ZFHX3: variants seen among roughly 807,000 people sequenced by gnomAD.
ZFHX3 encodes zinc finger homeobox protein 3.
In ZFHX3, 42 loss-of-function variants were observed where a neutral mutation model predicts 279.1. That is an observed-to-expected ratio of 0.15 (90% CI 0.12 to 0.19). ZFHX3 has a LOEUF of 0.19. ZFHX3 is among the 10% of genes least tolerant of loss of function. ZFHX3 has a pLI of 1.00. For missense variants in ZFHX3, 4,981 were observed against 4,754.0 expected (o/e 1.05, Z -1.40); for synonymous variants, 2,293 against 1,957.8 (o/e 1.17, Z -4.52).
At chr16:73,834,619 G>A (rs768978952) in intron 1 of ZFHX3, among the ~76,000 whole-genome samples, 9 of 152,176 alleles carry the variant, frequency 5.9e-5, no homozygotes, top group African/African-American at 9.7e-5. Context: ...TCAGCTGGGC[G>A]TGGTGGCTCA....
intron 4 of ZFHX3, among the ~76,000 whole-genome samples, chr16:73,259,138 G>T (rs919713334): frequency 6.6e-6 from 1 of 152,182 alleles, no homozygotes; most frequent in Non-Finnish European, 1.5e-5. Flanking sequence ...GTCACAGCGC[G>T]GGGAACATGA....
chr16:73,411,276 G>C (rs1206354454), intron 3 of ZFHX3, among the ~76,000 whole-genome samples: 1 of 152,234 alleles, frequency 6.6e-6, no homozygotes, highest in Non-Finnish European at 1.5e-5. Flanking sequence ...GGGATTTAAA[G>C]AGATTAGCAA....
At chr16:73,694,166 T>C (rs2053174246) in intron 1 of ZFHX3, among the ~76,000 whole-genome samples, 1 of 151,360 alleles carries the variant, frequency 6.6e-6, no homozygotes, top group South Asian at 2.1e-4. Flanking sequence ...CTACCAAAAA[T>C]ATAAAAATTA....
chr16:73,476,747 A>G (rs1385178925), intron 2 of ZFHX3, among the ~76,000 whole-genome samples: 1 of 152,232 alleles, frequency 6.6e-6, no homozygotes, highest in Non-Finnish European at 1.5e-5. Context: ...TGTTATCACC[A>G]CAAAATTTAG....
chr16:72,957,728 G>A lies in ZFHX3; in HGVS notation c.2418C>T (p.Cys806=), dbSNP rs764346669. The change falls in exon 2 of 10, where the codon TGC becomes TGT. Residue 806 remains cysteine, a synonymous_variant. Coordinates refer to ENST00000268489, the MANE Select transcript of ZFHX3 (RefSeq NM_006885.4). ...CGTTGGTCTCATAATCACACACCTCGCACCGCCAGGTGGGTTTGGTTTTTG... is the reference window on the plus strand; with the variant it reads ...CGTTGGTCTCATAATCACACACCTCACACCGCCAGGTGGGTTTGGTTTTTG... ...TKPKTKPTWR[C]EVCDYETNVA... is the part of the protein sequence containing the mutation. The A allele has an allele frequency of 3.9e-5, 63 of 1,614,022 alleles. No individual in the cohort carries two copies. Among genetic ancestry groups the A allele is most frequent in the Non-Finnish European group, 4.9e-5 (58 of 1,180,042 alleles).
chr16:73,013,167 C>T (rs1321549904), intron 1 of ZFHX3, among the ~76,000 whole-genome samples: 1 of 152,222 alleles, frequency 6.6e-6, no homozygotes, highest in African/African-American at 2.4e-5. Context: ...CACAGACTGC[C>T]CATCTGTGCC....
chr16:73,778,761 G>A (rs139908926), intron 1 of ZFHX3, among the ~76,000 whole-genome samples: 2 of 152,066 alleles, frequency 1.3e-5, no homozygotes, highest in African/African-American at 2.4e-5. Flanking sequence ...ATGGTAAGAC[G>A]GCAATGCAGG....
intron 2 of ZFHX3, among the ~76,000 whole-genome samples, chr16:73,559,590 CT>C (rs1458797411): frequency 2.0e-5 from 3 of 152,300 alleles, no homozygotes; most frequent in African/African-American, 7.2e-5. Flanking sequence ...GGTCCGGTTG[CT>C]GCATCTGATA....
In ZFHX3 at chr16:72,787,876, C is replaced by G; in HGVS notation, c.10400G>C (p.Cys3467Ser). The G allele has an allele frequency of 6.2e-7, 1 of 1,614,010 alleles. No homozygotes were observed. The highest frequency in any genetic ancestry group is 8.5e-7 in the Non-Finnish European group (1 of 1,180,030). ...GCTGAAGCCCGCCTGGCACTTGCGG[C>G]AGACCAACTTGTACTGCACCTTTGG... ...IVPKVQYKLV[C>S]RKCQAGFSDE... The change falls in exon 10 of 10, where the codon TGC (cysteine) becomes TCC (serine). Residue 3467 changes from cysteine to serine, a missense_variant. Around this residue, in one of 7 missense-constraint regions of ZFHX3, gnomAD observed 1,034 missense variants for 786.0 expected, o/e 1.32. Transcript: ENST00000268489.
intron 3 of ZFHX3, among the ~76,000 whole-genome samples, chr16:72,922,678 C>T (rs1005536269): frequency 6.6e-6 from 1 of 152,178 alleles, no homozygotes; most frequent in Non-Finnish European, 1.5e-5. Context: ...ACCTGGCTTT[C>T]TTCCTTTGAA....
At chr16:72,893,090 G>A (rs2038813617) in intron 3 of ZFHX3, among the ~76,000 whole-genome samples, 1 of 152,110 alleles carries the variant, frequency 6.6e-6, no homozygotes, top group Admixed American at 6.6e-5. Context: ...AACCTGTAAG[G>A]GAGCCAAGAA....
intron 3 of ZFHX3, among the ~76,000 whole-genome samples, chr16:73,386,274 A>G (rs145987021): frequency 3.6e-3 from 552 of 152,216 alleles, no homozygotes; most frequent in Middle Eastern, 6.8e-3. Flanking sequence ...CAGATAGGAA[A>G]GGACCTTATT....
At chr16:72,836,006 A>C (rs1292124631) in intron 4 of ZFHX3, among the ~76,000 whole-genome samples, 2 of 152,232 alleles carry the variant, frequency 1.3e-5, no homozygotes, top group East Asian at 1.9e-4. Context: ...CACTTATTTC[A>C]AATAAAATCC....
intron 2 of ZFHX3, among the ~76,000 whole-genome samples, chr16:73,645,691 T>C (rs899974714): frequency 8.5e-5 from 13 of 152,324 alleles, no homozygotes; most frequent in Middle Eastern, 3.4e-3. Context: ...AATAATGCTT[T>C]GAGAACATTT....
intron 5 of ZFHX3, among the ~76,000 whole-genome samples, chr16:73,243,559 T>G (rs137892355): frequency 6.6e-6 from 1 of 152,350 alleles, no homozygotes; most frequent in East Asian, 1.9e-4. Flanking sequence ...CACTAAGCTA[T>G]TATATTTGCA....
At chr16:73,778,142 G>A (rs1959322084) in intron 1 of ZFHX3, among the ~76,000 whole-genome samples, 1 of 147,706 alleles carries the variant, frequency 6.8e-6, no homozygotes, top group Admixed American at 6.9e-5. Context: ...GACCCATGCT[G>A]AGGAAGAGAA....
chr16:73,185,010 CTCAG>C (rs780779127), intron 5 of ZFHX3, among the ~76,000 whole-genome samples: 2 of 149,412 alleles, frequency 1.3e-5, no homozygotes, highest in African/African-American at 2.5e-5. Context: ...GAGACAGCGT[CTCAG>C]TCACCCAGGC....
chr16:73,838,918 T>G (rs1248108460), intron 1 of ZFHX3, among the ~76,000 whole-genome samples: 1 of 151,858 alleles, frequency 6.6e-6, no homozygotes, highest in Non-Finnish European at 1.5e-5. Flanking sequence ...CAGGTAAAAG[T>G]CCATAGGAGG....
chr16:73,588,516 C>A (rs887843280), intron 2 of ZFHX3, among the ~76,000 whole-genome samples: 17 of 151,566 alleles, frequency 1.1e-4, no homozygotes, highest in African/African-American at 3.6e-4. Context: ...GAAACCCCAT[C>A]TCCACTAAAA....
Sources: gnomAD v4.1 joint callset for allele counts (sites outside exome capture counted in the v4.1 genomes callset) on GRCh38, gnomAD v4.1.1 for gene constraint, gnomAD v4.1.1 regional missense constraint, MANE v1.5 for transcripts, NCBI Gene and HGNC (gene_info 2026-07-23, HGNC 2026-07-21) for gene names.